PLEKHH2: variants seen among roughly 807,000 people sequenced by gnomAD.
PLEKHH2 encodes pleckstrin homology domain-containing family H member 2.
In PLEKHH2, 129 loss-of-function variants were observed where a neutral mutation model predicts 187.9. The ratio of observed to expected loss-of-function variants is 0.69; its 90% CI spans 0.59 to 0.79. The LOEUF (loss-of-function observed/expected upper bound fraction) is 0.79, where lower values mean the gene tolerates loss of function less well. Among genes scored for constraint, PLEKHH2 ranks in the 30% least tolerant of loss-of-function variants. PLEKHH2 has a pLI of 0.00. For missense variants in PLEKHH2, 2,076 were observed against 1,751.2 expected (o/e 1.19, Z -3.31); for synonymous variants, 686 against 605.6 (o/e 1.13, Z -1.95).
At position 43,710,507 on chromosome 2, in the gene PLEKHH2, C is replaced by A; in HGVS notation, c.2233C>A (p.Pro745Thr). The part of the protein sequence containing the change: ...YKSPSDVIRK[P>T]QGHIELSASC... ...CATACAGAGTGATGTAATTAGAAAA[C>A]CCCAGGGCCATATTGAACTTAGTGC... The change falls in exon 14 of 30, where the codon CCC becomes ACC. Residue 745 changes from proline (P) to threonine (T), a missense_variant. Coordinates refer to ENST00000282406, the MANE Select transcript of PLEKHH2 (RefSeq NM_172069.4). 6.3e-7 allele frequency: 1 copy of A among 1,598,588 alleles called. No homozygotes were observed. The highest frequency in any genetic ancestry group is 8.5e-7 in the Non-Finnish European group (1 of 1,176,540).
At position 43,767,585 on chromosome 2, in the gene PLEKHH2, G is replaced by C. The variant is rs1423367785; in HGVS notation, c.*1987G>C. 6.6e-6 allele frequency: 1 copy of C among 152,480 alleles called. No individual in the cohort carries two copies. The highest frequency in any genetic ancestry group is 1.5e-5 in the Non-Finnish European group (1 of 68,028). 9.4% of individuals were successfully genotyped at this position (152,480 alleles called of 1,614,324 possible). On this transcript the variant is annotated 3_prime_UTR_variant, in exon 30 of 30. Transcript: ENST00000282406. ...ACAGAAGAGTTTCTAAGTTCCTAGA[G>C]AGCCATTTAATAATTAGTTGGTGAG...
chr2:43,707,220 T>G (rs1038310929), intron 10 of PLEKHH2, among the ~76,000 whole-genome samples, 181 bp from the exon 11 acceptor site: 6 of 122,098 alleles, frequency 4.9e-5, no homozygotes, highest in African/African-American at 1.9e-4. Flanking sequence ...AAAAAAATTC[T>G]ATGCTATGAC....
At chr2:43,675,845 C>T (rs1401204655) in intron 2 of PLEKHH2, 2 of 1,613,870 alleles carry the variant, frequency 1.2e-6, no homozygotes, top group East Asian at 4.5e-5. Context: ...TGGGATGCAT[C>T]CCTTGTAAAC....
intron 3 of PLEKHH2, 109 bp downstream of exon 3, chr2:43,679,034 T>C: frequency 1.5e-6 from 1 of 667,274 alleles, no homozygotes; most frequent in Non-Finnish European, 2.6e-6. Flanking sequence ...TCTTATCTTT[T>C]TGACTGTTCA....
chr2:43,679,472 G>C (rs768226391), intron 3 of PLEKHH2: 4 of 344,216 alleles, frequency 1.2e-5, no homozygotes, highest in Non-Finnish European at 2.2e-5. Flanking sequence ...TTTGAATTAC[G>C]GAATCAGGAA....
At chr2:43,646,870 A>G (rs1175236838) in intron 2 of PLEKHH2, among the ~76,000 whole-genome samples, 2 of 150,154 alleles carry the variant, frequency 1.3e-5, no homozygotes, top group Non-Finnish European at 3.0e-5. Flanking sequence ...ATTCTTTGGC[A>G]GATCTAAGAG....
intron 21 of PLEKHH2, 131 bp downstream of exon 21, chr2:43,741,174 T>C: frequency 1.3e-6 from 1 of 741,382 alleles, no homozygotes; most frequent in Non-Finnish European, 2.0e-6. Context: ...ACAGGAAGCC[T>C]TTGGTTATCA....
rs1357415612 is a variant in PLEKHH2 at position 43,710,703 on chromosome 2, A to G, written c.2301+128A>G. The G allele has an allele frequency of 2.8e-6, 4 of 1,449,868 alleles. No individual in the cohort carries two copies. In the East Asian group the frequency reaches 7.5e-5, roughly 27 times the overall value. The allele number at this position is 1,449,868 out of a possible 1,614,324, so 89.8% of individuals were successfully genotyped here. A position where few individuals can be genotyped will look rare whatever the true frequency, so the allele number is the denominator to read the frequency against. On this transcript the variant is annotated intron_variant, in intron 14 of 29. Transcript: ENST00000282406. ...TTATTCACTTTGGGGGGTTAGTTTG[A>G]TGCCTTGGAAGTATGTGAAACTCCA...
chr2:43,658,485 C>T, intron 2 of PLEKHH2, among the ~76,000 whole-genome samples: 1 of 152,204 alleles, frequency 6.6e-6, no homozygotes, highest in East Asian at 1.9e-4. Flanking sequence ...AATTTGGAAG[C>T]AACTTAGCTT....
At chr2:43,752,427 A>G (rs907013384) in intron 24 of PLEKHH2, among the ~76,000 whole-genome samples, 1 of 152,164 alleles carries the variant, frequency 6.6e-6, no homozygotes, top group Non-Finnish European at 1.5e-5. Flanking sequence ...GGAGCTTTTC[A>G]AAGTATACCC....
At chr2:43,754,197 C>A (rs762046444) in intron 25 of PLEKHH2, among the ~76,000 whole-genome samples, 10,529 of 124,972 alleles carry the variant, frequency 0.084, 528 homozygotes, top group Admixed American at 0.19. Context: ...CACACACACA[C>A]ACACACACAA....
At chr2:43,729,384 G>A (rs999560931) in intron 17 of PLEKHH2, among the ~76,000 whole-genome samples, 26 of 152,018 alleles carry the variant, frequency 1.7e-4, no homozygotes, top group South Asian at 4.1e-4. Flanking sequence ...TGTGTTACTC[G>A]TCTTAATTTT....
chr2:43,731,754 A>C (rs564554657), intron 19 of PLEKHH2, 152 bp downstream of exon 19: 1 of 579,520 alleles, frequency 1.7e-6, no homozygotes, highest in South Asian at 2.8e-5. Context: ...TCATTGAAAT[A>C]AAATTAGGTG....
At chr2:43,746,167 G>T (rs1315382980) in intron 24 of PLEKHH2, among the ~76,000 whole-genome samples, 1 of 152,110 alleles carries the variant, frequency 6.6e-6, no homozygotes. Context: ...ATGTCATAAA[G>T]AATTATATTT....
chr2:43,739,189 C>A (rs1041434671), intron 20 of PLEKHH2, among the ~76,000 whole-genome samples: 2 of 152,182 alleles, frequency 1.3e-5, no homozygotes, highest in Non-Finnish European at 1.5e-5. Context: ...CCGCGCCCAC[C>A]AGGAACCTAA....
At chr2:43,683,849 G>A (rs1668363643) in intron 3 of PLEKHH2, among the ~76,000 whole-genome samples, 2 of 151,854 alleles carry the variant, frequency 1.3e-5, no homozygotes, top group Non-Finnish European at 2.9e-5. Context: ...TCATCAGGGA[G>A]GTTATTGCTT....
At chr2:43,759,165 G>A (rs1475209079) in intron 27 of PLEKHH2, 136 bp downstream of exon 27, 10 of 1,310,068 alleles carry the variant, frequency 7.6e-6, no homozygotes, top group Non-Finnish European at 9.1e-6. Flanking sequence ...ACAATGAAGA[G>A]ACACTAGAGA....
intron 24 of PLEKHH2, among the ~76,000 whole-genome samples, chr2:43,751,946 G>A (rs931876789): frequency 2.9e-5 from 4 of 136,086 alleles, no homozygotes; most frequent in Non-Finnish European, 4.5e-5. Context: ...TTTTTTGCTA[G>A]TGATACTTCC....
In PLEKHH2 at chr2:43,697,191, T is replaced by C; in HGVS notation, c.523T>C (p.Ser175Pro). 6.3e-7 allele frequency: 1 copy of C among 1,585,058 alleles called. No individual in the cohort carries two copies. The highest frequency in any genetic ancestry group is 8.5e-7 in the Non-Finnish European group (1 of 1,169,894). ...TGTAGAAGTTCAAGGAAAGAAGTCA[T>C]CCACTGTCTCTACACTAAAGCTTTC... is the stretch of plus-strand genomic sequence containing the variant. The part of the protein sequence containing the change: ...KLQEVQGKKS[S>P]TVSTLKLSEG... Residue 175 changes from serine (S) to proline (P), a missense_variant, in exon 7 of 30, where the codon TCC becomes CCC. Transcript: ENST00000282406.
Sources: allele counts gnomAD v4.1 joint callset (sites outside exome capture counted in the v4.1 genomes callset), GRCh38; gene constraint gnomAD v4.1.1; transcripts MANE v1.5; gene names NCBI Gene and HGNC (gene_info 2026-07-23, HGNC 2026-07-21).